Variants in PLCB1 observed in about 807,000 individuals in gnomAD.
PLCB1 encodes the protein phospholipase C beta 1.
A neutral mutation model predicts 161.8 loss-of-function variants in PLCB1; 46 were observed. The observed-to-expected ratio is 0.28, with a 90% confidence interval of 0.22 to 0.36. The LOEUF is 0.36. Ranked by LOEUF, PLCB1 falls within the 10% of genes least tolerant of loss-of-function variation. PLCB1 has a pLI of 1.00. For missense variants in PLCB1, 1,016 were observed against 1,472.5 expected, an observed-to-expected ratio of 0.69 and a Z score of 5.07; for synonymous variants, 517 against 503.7, an observed-to-expected ratio of 1.03 and a Z score of -0.35.
intron 2 of PLCB1, among the ~76,000 whole-genome samples, chr20:8,238,500 C>T (rs1223110359): frequency 6.6e-6 from 1 of 151,678 alleles, no homozygotes; most frequent in African/African-American, 2.4e-5. Context: ...ATGCTGTTTC[C>T]ATCTCTCTAT....
intron 11 of PLCB1, among the ~76,000 whole-genome samples, chr20:8,699,068 G>A (rs1181988718): frequency 6.6e-6 from 1 of 152,170 alleles, no homozygotes; most frequent in Admixed American, 6.5e-5. Flanking sequence ...GGAGAAAGAA[G>A]TTGTGGGCTT....
At chr20:8,304,615 C>T (rs1984047081) in intron 2 of PLCB1, among the ~76,000 whole-genome samples, 1 of 150,752 alleles carries the variant, frequency 6.6e-6, no homozygotes. Flanking sequence ...CTGAGCTTTT[C>T]CTATCTTCTT....
chr20:8,753,142 C>A (rs1243851936), intron 23 of PLCB1, among the ~76,000 whole-genome samples: 1 of 152,018 alleles, frequency 6.6e-6, no homozygotes. Context: ...TCCCATCACC[C>A]CCAAATGGGA....
At chr20:8,135,655 A>G (rs2051337632) in intron 1 of PLCB1, among the ~76,000 whole-genome samples, 1 of 151,988 alleles carries the variant, frequency 6.6e-6, no homozygotes, top group African/African-American at 2.4e-5. Context: ...AGTTTTTTTG[A>G]CTATTTCAGT....
chr20:8,620,678 G>A (rs1489904300), intron 3 of PLCB1, among the ~76,000 whole-genome samples: 1 of 147,906 alleles, frequency 6.8e-6, no homozygotes, highest in South Asian at 2.1e-4. Flanking sequence ...GGTAGAGGCT[G>A]CAGTGAACTC....
At chr20:8,826,911 C>T (rs1334256656) in intron 31 of PLCB1, among the ~76,000 whole-genome samples, 2 of 152,142 alleles carry the variant, frequency 1.3e-5, no homozygotes, top group African/African-American at 2.4e-5. Context: ...GACCTGTGAG[C>T]TCAGCATGAA....
intron 2 of PLCB1, among the ~76,000 whole-genome samples, chr20:8,344,603 C>T (rs6039147): frequency 0.24 from 36,131 of 152,114 alleles, 4,514 homozygotes; most frequent in African/African-American, 0.29. Flanking sequence ...CTGCAGCCCA[C>T]CTGCTCCAGC....
At chr20:8,873,143 G>T (rs1272555919) in intron 31 of PLCB1, among the ~76,000 whole-genome samples, 1 of 118,398 alleles carries the variant, frequency 8.4e-6, no homozygotes, top group Non-Finnish European at 1.8e-5. Context: ...AAACTGAAAT[G>T]GTTAGGATAT....
intron 2 of PLCB1, among the ~76,000 whole-genome samples, chr20:8,167,172 G>A (rs560125675): frequency 6.6e-5 from 10 of 152,244 alleles, no homozygotes; most frequent in African/African-American, 2.2e-4. Context: ...AAGCTTACAA[G>A]CTTTCCCCAG....
At chr20:8,750,873 C>G in intron 23 of PLCB1, 2 of 1,364,328 alleles carry the variant, frequency 1.5e-6, no homozygotes, top group Non-Finnish European at 2.0e-6. Context: ...GGCCTTACCT[C>G]TTACCCATGT....
chr20:8,779,645 C>G (rs1215984445), intron 27 of PLCB1, among the ~76,000 whole-genome samples: 2 of 152,024 alleles, frequency 1.3e-5, no homozygotes, highest in Non-Finnish European at 2.9e-5. Flanking sequence ...TGCAGAGTCT[C>G]AGGCCCCACT....
chr20:8,374,498 C>G (rs1987010201), intron 3 of PLCB1, among the ~76,000 whole-genome samples: 1 of 152,158 alleles, frequency 6.6e-6, no homozygotes, highest in Admixed American at 6.5e-5. Context: ...TGCACACCAC[C>G]CTTGGCAGCT....
chr20:8,371,455 G>A lies in PLCB1; in HGVS notation c.246+5G>A. On this transcript the variant is annotated splice_donor_5th_base_variant and intron_variant, in intron 3 of 31. Coordinates refer to ENST00000338037, the MANE Select transcript of PLCB1 (RefSeq NM_015192.4). ...AGACACGCCAAAGCTCCCAAGGTAGGAGGTTGAGTGTTGTGCATGCACCAG... is the reference window on the plus strand; with the variant it reads ...AGACACGCCAAAGCTCCCAAGGTAGAAGGTTGAGTGTTGTGCATGCACCAG... 6.2e-7 allele frequency: 1 copy of A among 1,606,858 alleles called. No individual in the cohort carries two copies. Among genetic ancestry groups the A allele is most frequent in the Non-Finnish European group, 8.5e-7 (1 of 1,173,870 alleles).
At chr20:8,492,642 T>G (rs1982992844) in intron 3 of PLCB1, among the ~76,000 whole-genome samples, 1 of 152,108 alleles carries the variant, frequency 6.6e-6, no homozygotes, top group South Asian at 2.1e-4. Context: ...TTGGGGCTGG[T>G]GGAAATGATG....
chr20:8,405,527 A>T (rs1050502321), intron 3 of PLCB1, among the ~76,000 whole-genome samples: 2 of 152,216 alleles, frequency 1.3e-5, no homozygotes, highest in African/African-American at 4.8e-5. Flanking sequence ...AGCTACAGTC[A>T]TGTTGCAAAA....
chr20:8,177,407 G>A (rs1289424389), intron 2 of PLCB1, among the ~76,000 whole-genome samples: 2 of 152,148 alleles, frequency 1.3e-5, no homozygotes, highest in African/African-American at 4.8e-5. Flanking sequence ...CCCAGTCTAA[G>A]TACGGCATTT....
rs544595755 is a variant in PLCB1 at position 8,151,691 on chromosome 20, T to A, written c.177+1320T>A. On this transcript the variant is annotated intron_variant, in intron 2 of 31. Transcript: ENST00000338037. ...TTGTTTTTTGGGTGTTTTTTTCTTC[T>A]CCTAAAGGATATTTTTAGAACTGTT... Among the ~76,000 whole-genome samples the A allele has an allele frequency of 1.6e-3, 239 of 152,294 alleles. 4 individuals are homozygous for A. In the South Asian group the frequency reaches 0.02, roughly 13 times the overall value.
chr20:8,657,960 G>A (rs1490259588), intron 8 of PLCB1, among the ~76,000 whole-genome samples: 3 of 152,078 alleles, frequency 2.0e-5, no homozygotes, highest in East Asian at 1.9e-4. Flanking sequence ...TTCTTGCTTT[G>A]TGCTGTTCAT....
chr20:8,472,593 C>T (rs1982101861), intron 3 of PLCB1, among the ~76,000 whole-genome samples: 1 of 151,932 alleles, frequency 6.6e-6, no homozygotes, highest in Non-Finnish European at 1.5e-5. Context: ...GCCTGTAGTC[C>T]AGCTACTGGG....
Sources: allele counts gnomAD v4.1 joint callset (sites outside exome capture counted in the v4.1 genomes callset), GRCh38; gene constraint gnomAD v4.1.1; transcripts MANE v1.5; gene names NCBI Gene and HGNC (gene_info 2026-07-23, HGNC 2026-07-21).